Variants in PRKG1 observed in about 807,000 individuals in gnomAD.
PRKG1 encodes protein kinase cGMP-dependent 1, also known as cGMP-dependent protein kinase 1.
A neutral mutation model predicts 88.1 loss-of-function variants in PRKG1; 35 were observed. The ratio of observed to expected loss-of-function variants is 0.40; its 90% CI spans 0.30 to 0.53. The LOEUF (loss-of-function observed/expected upper bound fraction) is 0.53. PRKG1 is among the 20% of genes least tolerant of loss of function. The probability of loss-of-function intolerance (pLI) is 0.59; values close to 1 mark genes in which losing one functional copy is unlikely to be tolerated. For synonymous variants in PRKG1, 303 were observed against 292.5 expected (o/e 1.04, Z -0.37); for missense variants, 540 against 839.8 (o/e 0.64, Z 4.41).
intron 2 of PRKG1, among the ~76,000 whole-genome samples, chr10:51,403,392 T>C (rs191716915): frequency 6.6e-6 from 1 of 152,298 alleles, no homozygotes; most frequent in Admixed American, 6.5e-5. Context: ...TTTGAAGAAA[T>C]CTAAAATATA....
At chr10:52,082,408 A>G (rs1220527838) in intron 7 of PRKG1, among the ~76,000 whole-genome samples, 1 of 152,254 alleles carries the variant, frequency 6.6e-6, no homozygotes, top group African/African-American at 2.4e-5. Flanking sequence ...AACATGTTTA[A>G]CAGCCAGCTC....
At chr10:51,417,142 T>C (rs1838263953) in intron 2 of PRKG1, among the ~76,000 whole-genome samples, 1 of 152,212 alleles carries the variant, frequency 6.6e-6, no homozygotes, top group Non-Finnish European at 1.5e-5. Flanking sequence ...TGTTTAATTA[T>C]TATCACCAAC....
At chr10:51,299,672 A>T (rs1019339246) in intron 2 of PRKG1, 11 of 451,278 alleles carry the variant, frequency 2.4e-5, no homozygotes, top group Admixed American at 1.3e-4. Context: ...GATACAGGTT[A>T]CCTATGTTAC....
intron 1 of PRKG1, among the ~76,000 whole-genome samples, chr10:51,011,525 G>A (rs1050897789): frequency 1.3e-5 from 2 of 152,150 alleles, no homozygotes. Context: ...TTTTTGAAAA[G>A]ATTTAGGATT....
chr10:51,587,156 T>C (rs908913530), intron 3 of PRKG1, among the ~76,000 whole-genome samples: 43 of 152,150 alleles, frequency 2.8e-4, no homozygotes, highest in African/African-American at 1.0e-3. Flanking sequence ...ACTGGCTCCT[T>C]CTAGTTGGAA....
At chr10:51,962,302 C>G (rs1196571900) in intron 5 of PRKG1, among the ~76,000 whole-genome samples, 8 of 152,128 alleles carry the variant, frequency 5.3e-5, no homozygotes, top group Non-Finnish European at 1.2e-4. Flanking sequence ...AGTCTTGCAG[C>G]TGTACAGCCT....
At chr10:52,218,085 G>A (rs1338751468) in intron 9 of PRKG1, among the ~76,000 whole-genome samples, 21 of 151,556 alleles carry the variant, frequency 1.4e-4, no homozygotes, top group African/African-American at 4.1e-4. Context: ...GGTGGCACAC[G>A]TCTGTAATCC....
chr10:52,132,475 G>T (rs1837291611), intron 7 of PRKG1, among the ~76,000 whole-genome samples: 1 of 152,022 alleles, frequency 6.6e-6, no homozygotes, highest in African/African-American at 2.4e-5. Flanking sequence ...AAACAGCATG[G>T]TATAGCAACA....
chr10:51,763,454 C>T (rs1052542863), intron 3 of PRKG1, among the ~76,000 whole-genome samples: 8 of 151,900 alleles, frequency 5.3e-5, no homozygotes, highest in African/African-American at 1.2e-4. Context: ...GGTCTTGCTA[C>T]GTTGTCTAAG....
intron 3 of PRKG1, among the ~76,000 whole-genome samples, chr10:51,575,360 T>C (rs567701997): frequency 2.9e-4 from 44 of 152,132 alleles, no homozygotes; most frequent in African/African-American, 9.9e-4. Context: ...GTTTGAGGTG[T>C]GTTCCATGGC....
chr10:52,283,569 TTTACATTA>T (rs1228405333), intron 14 of PRKG1, among the ~76,000 whole-genome samples: 3 of 152,166 alleles, frequency 2.0e-5, no homozygotes, highest in African/African-American at 7.2e-5. Flanking sequence ...TTATGGGTAT[TTTACATTA>T]TTACCCATAA....
chr10:51,714,646 A>C (rs1054752357), intron 3 of PRKG1, among the ~76,000 whole-genome samples: 10 of 152,182 alleles, frequency 6.6e-5, no homozygotes, highest in African/African-American at 2.4e-4. Flanking sequence ...ATTCCAGAGA[A>C]TGTCAGATAT....
intron 4 of PRKG1, among the ~76,000 whole-genome samples, chr10:51,822,452 G>A (rs912786172): frequency 9.9e-5 from 15 of 152,008 alleles, no homozygotes; most frequent in South Asian, 2.1e-4. Context: ...AACAAATGGC[G>A]CTAAATGAAG....
At chr10:51,957,287 CTT>C (rs71032610) in intron 5 of PRKG1, among the ~76,000 whole-genome samples, 50,907 of 142,232 alleles carry the variant, frequency 0.36, 9,570 homozygotes, top group East Asian at 0.65. Context: ...CTTTTCTTTT[CTT>C]TTTTTTTTCT....
chr10:51,140,593 G>A (rs1314061010), intron 1 of PRKG1, among the ~76,000 whole-genome samples: 1 of 152,174 alleles, frequency 6.6e-6, no homozygotes, highest in African/African-American at 2.4e-5. Flanking sequence ...GATAACATGT[G>A]CAAAAATGCC....
chr10:52,270,973 T>A (rs1841712880), intron 10 of PRKG1, among the ~76,000 whole-genome samples: 1 of 152,144 alleles, frequency 6.6e-6, no homozygotes, highest in South Asian at 2.1e-4. Flanking sequence ...TTTTTGGCCA[T>A]CTTTACTGAA....
chr10:52,113,491 G>A (rs980861411), intron 7 of PRKG1, among the ~76,000 whole-genome samples: 1 of 152,084 alleles, frequency 6.6e-6, no homozygotes, highest in Admixed American at 6.6e-5. Flanking sequence ...TTTTGAATTA[G>A]GAAGGCAGAT....
intron 8 of PRKG1, among the ~76,000 whole-genome samples, chr10:52,157,024 A>T (rs1375809189): frequency 6.6e-6 from 1 of 151,462 alleles, no homozygotes; most frequent in Non-Finnish European, 1.5e-5. Context: ...ACACTTTTTG[A>T]CTTATAACAT....
chr10:51,094,421 T>TGGA (rs1844479005), intron 1 of PRKG1, among the ~76,000 whole-genome samples: 3 of 152,210 alleles, frequency 2.0e-5, no homozygotes, highest in African/African-American at 7.2e-5. Flanking sequence ...TCGTGTTTGG[T>TGGA]TTTGAGCTAT....
Sources: gnomAD v4.1 joint callset for allele counts (sites outside exome capture counted in the v4.1 genomes callset) on GRCh38, gnomAD v4.1.1 for gene constraint, MANE v1.5 for transcripts, NCBI Gene and HGNC (gene_info 2026-07-23, HGNC 2026-07-21) for gene names.